Variants in TRPM7 observed in about 807,000 individuals in gnomAD.
The protein encoded by TRPM7 is LTRPC ion channel family member 7.
A neutral mutation model predicts 229.7 loss-of-function variants in TRPM7; 134 were observed. The ratio of observed to expected loss-of-function variants is 0.58; its 90% CI spans 0.51 to 0.67. TRPM7 has a LOEUF of 0.67. Ranked by LOEUF, TRPM7 falls within the 30% of genes least tolerant of loss-of-function variation. The pLI, the probability that TRPM7 is intolerant of heterozygous loss-of-function variation, is 0.00. For synonymous variants in TRPM7, 699 were observed against 715.2 expected (o/e 0.98, Z 0.36); for missense variants, 1,901 against 2,210.0 (o/e 0.86, Z 2.80).
intron 38 of TRPM7, 53 bp from the exon 39 acceptor site, chr15:50,561,861 AAGTT>A (rs1012040199): frequency 1.5e-5 from 22 of 1,460,446 alleles, no homozygotes; most frequent in East Asian, 7.5e-5. Context: ...GAAAAGAAAA[AAGTT>A]AGTATTTCTT....
At chr15:50,657,242 T>C (rs1271274908) in intron 3 of TRPM7, among the ~76,000 whole-genome samples, 5 of 152,152 alleles carry the variant, frequency 3.3e-5, no homozygotes, top group Non-Finnish European at 7.3e-5. Context: ...GAGAATTGCT[T>C]GAACCCATGA....
intron 38 of TRPM7, among the ~76,000 whole-genome samples, chr15:50,564,925 A>G (rs965973158): frequency 1.3e-5 from 2 of 152,180 alleles, no homozygotes; most frequent in Non-Finnish European, 2.9e-5. Flanking sequence ...ATTGTTAACT[A>G]GTAAGTGTAT....
At chr15:50,613,886 A>T in intron 14 of TRPM7, 45 bp from the exon 15 acceptor site, 1 of 1,584,304 alleles carries the variant, frequency 6.3e-7, no homozygotes, top group Non-Finnish European at 8.6e-7. Flanking sequence ...AAACGTGCTG[A>T]CATGTTATAA....
At chr15:50,570,180 CAAAT>C (rs1238122059) in intron 36 of TRPM7, 25 bp from the exon 37 acceptor site, 10 of 1,504,882 alleles carry the variant, frequency 6.6e-6, no homozygotes, top group South Asian at 2.5e-5. Flanking sequence ...ATAAAAAAGA[CAAAT>C]AATTTATATT....
chr15:50,614,967 C>T (rs891977007), intron 13 of TRPM7, among the ~76,000 whole-genome samples: 2 of 151,664 alleles, frequency 1.3e-5, no homozygotes, highest in African/African-American at 4.8e-5. Flanking sequence ...GTTGGGAGTT[C>T]GAGACCAGCC....
At chr15:50,650,409 G>A (rs1452010268) in intron 3 of TRPM7, among the ~76,000 whole-genome samples, 1 of 151,824 alleles carries the variant, frequency 6.6e-6, no homozygotes, top group East Asian at 1.9e-4. Flanking sequence ...ATTAGACCTA[G>A]ACAGACCAGG....
At chr15:50,683,263 G>C (rs2062281874) in intron 1 of TRPM7, among the ~76,000 whole-genome samples, 1 of 151,626 alleles carries the variant, frequency 6.6e-6, no homozygotes, top group Admixed American at 6.6e-5. Flanking sequence ...TTACTTATAT[G>C]TTGAAAGATT....
In TRPM7 at chr15:50,631,372, A is replaced by G. The variant is rs1385222523; in HGVS notation, c.1204+45T>C. The G allele has an allele frequency of 4.8e-6, 6 of 1,260,706 alleles. No individual in the cohort carries two copies. The East Asian group carries it at 1.4e-4, about 29-fold the overall frequency. The allele number at this position is 1,260,706 out of a possible 1,614,324, so 78.1% of individuals were successfully genotyped here. A position where few individuals can be genotyped will look rare whatever the true frequency, so the allele number is the denominator to read the frequency against. ...CACACATACACACACATATACATAC[A>G]TAAAATAAAAGGTCTTACAAATAAA... On this transcript the variant is annotated intron_variant, in intron 10 of 38. Coordinates refer to ENST00000646667, the MANE Select transcript of TRPM7 (RefSeq NM_017672.6).
chr15:50,594,735 C>A, intron 23 of TRPM7, 122 bp from the exon 24 acceptor site: 2 of 647,454 alleles, frequency 3.1e-6, no homozygotes, highest in Non-Finnish European at 4.8e-6. Flanking sequence ...CTTCTGTAAA[C>A]AAAACTAATA....
chr15:50,600,225 T>C (rs2059740551), intron 21 of TRPM7, among the ~76,000 whole-genome samples: 1 of 152,148 alleles, frequency 6.6e-6, no homozygotes, highest in Non-Finnish European at 1.5e-5. Flanking sequence ...TCACTTGAGG[T>C]CAGGAGTTCG....
chr15:50,602,367 A>G (rs1479682221), intron 21 of TRPM7, among the ~76,000 whole-genome samples: 2 of 152,012 alleles, frequency 1.3e-5, no homozygotes, highest in Non-Finnish European at 2.9e-5. Flanking sequence ...GGAACATCAT[A>G]CACCGGGGCC....
intron 3 of TRPM7, among the ~76,000 whole-genome samples, chr15:50,650,269 G>T (rs557660183): frequency 6.8e-6 from 1 of 146,410 alleles, no homozygotes; most frequent in East Asian, 2.0e-4. Flanking sequence ...AGCAATAGCC[G>T]AAACAATTTC....
chr15:50,586,307 G>T, intron 28 of TRPM7, 85 bp downstream of exon 28: 1 of 881,294 alleles, frequency 1.1e-6, no homozygotes. Flanking sequence ...ACCATTCACT[G>T]CTCATGTGTT....
intron 6 of TRPM7, 31 bp from the exon 7 acceptor site, chr15:50,637,624 G>A (rs756252281): frequency 3.1e-6 from 5 of 1,590,938 alleles, no homozygotes; most frequent in Non-Finnish European, 4.3e-6. Context: ...GAGTTAGTGA[G>A]CAGGATTAAA....
chr15:50,612,399 AATAT>A, intron 16 of TRPM7, 146 bp downstream of exon 16: 1 of 529,510 alleles, frequency 1.9e-6, no homozygotes, highest in Non-Finnish European at 2.9e-6. Context: ...TAATTAAAAA[AATAT>A]ATACTTATAT....
intron 26 of TRPM7, among the ~76,000 whole-genome samples, chr15:50,590,669 T>C (rs554837287): frequency 2.1e-4 from 32 of 152,066 alleles, no homozygotes; most frequent in South Asian, 8.3e-4. Flanking sequence ...AAAAATAAAT[T>C]GGAAATTAGC....
intron 38 of TRPM7, among the ~76,000 whole-genome samples, chr15:50,563,587 G>T (rs2053428010): frequency 6.6e-6 from 1 of 152,152 alleles, no homozygotes; most frequent in Non-Finnish European, 1.5e-5. Context: ...AAGAAGAATT[G>T]GATAGTTTTA....
intron 36 of TRPM7, among the ~76,000 whole-genome samples, chr15:50,571,972 C>T (rs1168675250): frequency 6.6e-6 from 1 of 152,198 alleles, no homozygotes; most frequent in Admixed American, 6.5e-5. Flanking sequence ...CTACAGAAGT[C>T]CTTCATGAAA....
intron 20 of TRPM7, among the ~76,000 whole-genome samples, chr15:50,606,035 G>T (rs1328695993): frequency 6.6e-6 from 1 of 152,156 alleles, no homozygotes; most frequent in East Asian, 1.9e-4. Flanking sequence ...TTCTCTAAAT[G>T]TAAGGTAGAG....
Sources: allele counts gnomAD v4.1 joint callset (sites outside exome capture counted in the v4.1 genomes callset), GRCh38; gene constraint gnomAD v4.1.1; transcripts MANE v1.5; gene names NCBI Gene and HGNC (gene_info 2026-07-23, HGNC 2026-07-21).